ETV1: variants seen among roughly 807,000 people sequenced by gnomAD.
The protein encoded by ETV1 is ETS variant transcription factor 1, also known as ETS translocation variant 1.
Under a neutral mutation model 62.3 loss-of-function variants are expected in ETV1, and 27 were observed. That is an observed-to-expected ratio of 0.43 (90% CI 0.32 to 0.60). The LOEUF (loss-of-function observed/expected upper bound fraction) is 0.60. Among genes scored for constraint, ETV1 ranks in the 20% least tolerant of loss-of-function variants. The pLI is 0.06. For missense variants in ETV1, 605 were observed against 605.8 expected, an observed-to-expected ratio of 1.00 and a Z score of 0.01; for synonymous variants, 222 against 199.6, an observed-to-expected ratio of 1.11 and a Z score of -0.94.
intron 6 of ETV1, among the ~76,000 whole-genome samples, chr7:13,940,769 T>G (rs1787409471): frequency 6.6e-6 from 1 of 152,224 alleles, no homozygotes; most frequent in Admixed American, 6.5e-5. Context: ...GCTTGAATGT[T>G]ATATATAATT....
chr7:13,920,080 G>A (rs1241697671), intron 9 of ETV1, among the ~76,000 whole-genome samples: 2 of 151,976 alleles, frequency 1.3e-5, no homozygotes, highest in Non-Finnish European at 2.9e-5. Flanking sequence ...CCCTATAAAA[G>A]CACACTCCAC....
chr7:13,918,492 A>G (rs918517757), intron 9 of ETV1, among the ~76,000 whole-genome samples: 1 of 152,204 alleles, frequency 6.6e-6, no homozygotes, highest in Non-Finnish European at 1.5e-5. Flanking sequence ...AATGTCCAAC[A>G]ATGATAGACT....
chr7:13,982,035 G>T (rs1190570795), intron 5 of ETV1, among the ~76,000 whole-genome samples: 1 of 151,992 alleles, frequency 6.6e-6, no homozygotes, highest in Non-Finnish European at 1.5e-5. Flanking sequence ...CATACAAAAA[G>T]GAGGCAACTT....
At chr7:13,930,397 C>G (rs1785951211) in intron 9 of ETV1, among the ~76,000 whole-genome samples, 1 of 152,016 alleles carries the variant, frequency 6.6e-6, no homozygotes, top group Admixed American at 6.6e-5. Flanking sequence ...TCTTGGCTCA[C>G]TGCAACCTCC....
chr7:13,962,701 A>G (rs1461801895), intron 6 of ETV1, among the ~76,000 whole-genome samples: 1 of 152,086 alleles, frequency 6.6e-6, no homozygotes, highest in Non-Finnish European at 1.5e-5. Context: ...CTACAATCCA[A>G]AGCACAAGCA....
intron 5 of ETV1, among the ~76,000 whole-genome samples, chr7:13,981,017 C>T (rs1312296965): frequency 6.6e-6 from 1 of 151,530 alleles, no homozygotes; most frequent in Non-Finnish European, 1.5e-5. Flanking sequence ...AAAAAGTAAG[C>T]GATGAAAAAG....
In ETV1 at chr7:13,989,027, A is replaced by G. The variant is rs1351415009; in HGVS notation, c.26T>C (p.Val9Ala). The G allele has an allele frequency of 1.2e-6, 2 of 1,607,036 alleles. No homozygotes were observed. The highest frequency in any genetic ancestry group is 1.1e-5 in the South Asian group (1 of 89,620). The change falls in exon 3 of 14, where the codon GTG (valine) becomes GCG (alanine). Residue 9 changes from valine to alanine, a missense_variant. Physicochemically the swap from Val to Ala is moderately conservative, Grantham distance 64. Coordinates refer to ENST00000430479, the MANE Select transcript of ETV1 (RefSeq NM_004956.5). Reference protein sequence around the residue: MDGFYDQQVPYMVTNSQRG... With the variant: MDGFYDQQAPYMVTNSQRG... ...ACTCACATTGGTGACCATGTAAGGC[A>G]CTTGCTGGTCATAAAATCCATCCAT... is the stretch of plus-strand genomic sequence containing the variant.
intron 6 of ETV1, among the ~76,000 whole-genome samples, chr7:13,964,746 A>G (rs1257210817): frequency 1.3e-5 from 2 of 148,998 alleles, no homozygotes; most frequent in African/African-American, 5.2e-5. Flanking sequence ...TGGAATAAGT[A>G]TCTTATAGTG....
chr7:13,915,880 G>A (rs531068441), intron 9 of ETV1, among the ~76,000 whole-genome samples: 4 of 152,082 alleles, frequency 2.6e-5, no homozygotes, highest in African/African-American at 4.8e-5. Flanking sequence ...AAAAAGTCAA[G>A]TTTTATAAGA....
intron 12 of ETV1, 132 bp from the exon 13 acceptor site, chr7:13,900,971 C>T (rs1164618161): frequency 3.8e-6 from 2 of 531,052 alleles, no homozygotes; most frequent in Non-Finnish European, 6.4e-6. Context: ...GTAGCAAGAG[C>T]TATCGTAATC....
intron 6 of ETV1, among the ~76,000 whole-genome samples, chr7:13,967,483 C>T (rs183018373): frequency 3.9e-4 from 60 of 152,176 alleles, no homozygotes; most frequent in Non-Finnish European, 6.6e-4. Context: ...TCTAGCCATT[C>T]CTGATATATT....
intron 9 of ETV1, among the ~76,000 whole-genome samples, chr7:13,917,258 T>C (rs1003084544): frequency 2.0e-5 from 3 of 151,956 alleles, no homozygotes; most frequent in African/African-American, 7.2e-5. Context: ...GTTGAAGTGA[T>C]AGAAAACATA....
At chr7:13,940,811 C>A (rs982035804) in intron 6 of ETV1, among the ~76,000 whole-genome samples, 8 of 152,020 alleles carry the variant, frequency 5.3e-5, no homozygotes, top group Non-Finnish European at 1.0e-4. Flanking sequence ...CACAAACTAC[C>A]AAGCTTCAGG....
At chr7:13,942,421 C>T (rs73276821) in intron 6 of ETV1, among the ~76,000 whole-genome samples, 46,438 of 151,682 alleles carry the variant, frequency 0.31, 7,553 homozygotes, top group East Asian at 0.48. Context: ...TTAACTTTCA[C>T]TTTAGGTTCA....
chr7:13,926,253 C>G (rs1258920557), intron 9 of ETV1, among the ~76,000 whole-genome samples: 1 of 152,132 alleles, frequency 6.6e-6, no homozygotes, highest in African/African-American at 2.4e-5. Context: ...ACCATGTGAA[C>G]ATTGTGTGCT....
At chr7:13,928,262 T>TA (rs1210874638) in intron 9 of ETV1, among the ~76,000 whole-genome samples, 3 of 152,200 alleles carry the variant, frequency 2.0e-5, no homozygotes, top group Non-Finnish European at 4.4e-5. Flanking sequence ...ACACTACATA[T>TA]AACTGTATAT....
At chr7:13,984,640 A>G (rs1782361239) in intron 5 of ETV1, among the ~76,000 whole-genome samples, 1 of 151,978 alleles carries the variant, frequency 6.6e-6, no homozygotes, top group Non-Finnish European at 1.5e-5. Flanking sequence ...TCTTATCCAT[A>G]GTTTGTAAAT....
At position 13,892,315 on chromosome 7, in the gene ETV1, T is replaced by C. The variant is rs548465513; in HGVS notation, c.*3551A>G. On this transcript the variant is annotated 3_prime_UTR_variant, in exon 14 of 14. Coordinates refer to ENST00000430479, the MANE Select transcript of ETV1 (RefSeq NM_004956.5). ...GGGGGCTGGGGAAGGATTTGAATAATCTAAAGGCTTGATGTGATTACCAGA... is the reference window on the plus strand; with the variant it reads ...GGGGGCTGGGGAAGGATTTGAATAACCTAAAGGCTTGATGTGATTACCAGA... The C allele has an allele frequency of 4.3e-6, 1 of 232,772 alleles. No homozygotes were observed. The highest frequency in any genetic ancestry group is 2.2e-5 in the African/African-American group (1 of 45,420). The allele number at this position is 232,772 out of a possible 1,614,324, so 14.4% of individuals were successfully genotyped here.
intron 12 of ETV1, among the ~76,000 whole-genome samples, 181 bp from the exon 13 acceptor site, chr7:13,901,020 T>C (rs76595132): frequency 6.6e-6 from 1 of 151,682 alleles, no homozygotes; most frequent in African/African-American, 2.4e-5. Flanking sequence ...TTTTTTTTTT[T>C]TGAAACAGAG....
Sources: gnomAD v4.1 joint callset for allele counts (sites outside exome capture counted in the v4.1 genomes callset) on GRCh38, gnomAD v4.1.1 for gene constraint, MANE v1.5 for transcripts, NCBI Gene and HGNC (gene_info 2026-07-23, HGNC 2026-07-21) for gene names.